DCDC1: variants seen among roughly 807,000 people sequenced by gnomAD.
DCDC1 encodes the protein doublecortin domain-containing protein 1.
DCDC1 carries 200 observed loss-of-function variants against 178.3 expected under a neutral mutation model. The ratio of observed to expected loss-of-function variants is 1.12; its 90% CI spans 1.00 to 1.26. The LOEUF is 1.26. Ranked by LOEUF, DCDC1 falls within the 50% of genes most tolerant of loss-of-function variation. The probability of loss-of-function intolerance (pLI) is 0.00; values close to 1 mark genes in which losing one functional copy is unlikely to be tolerated. For missense variants in DCDC1, 1,983 were observed against 1,749.2 expected (o/e 1.13, Z -2.38); for synonymous variants, 690 against 604.8 (o/e 1.14, Z -2.07).
At chr11:31,337,416 C>A (rs774420019) in intron 1 of DCDC1, among the ~76,000 whole-genome samples, 1 of 152,230 alleles carries the variant, frequency 6.6e-6, no homozygotes, top group Non-Finnish European at 1.5e-5. Context: ...CGCCTGTAAT[C>A]CCGACACTGT....
At chr11:30,902,494 T>G (rs1326971470) in intron 32 of DCDC1, among the ~76,000 whole-genome samples, 1 of 152,162 alleles carries the variant, frequency 6.6e-6, no homozygotes, top group Non-Finnish European at 1.5e-5. Flanking sequence ...AATGGAGACA[T>G]GTTAAATATA....
intron 11 of DCDC1, among the ~76,000 whole-genome samples, chr11:31,112,967 G>A (rs1284229877): frequency 1.3e-5 from 2 of 152,044 alleles, no homozygotes; most frequent in Admixed American, 1.3e-4. Flanking sequence ...GGGAGGGGCC[G>A]ACAATAAGCA....
chr11:31,064,874 A>C (rs2135487616), intron 19 of DCDC1, 145 bp downstream of exon 19: 1 of 567,620 alleles, frequency 1.8e-6, no homozygotes, highest in South Asian at 2.4e-5. Flanking sequence ...TATAGATATT[A>C]TATTATGTGT....
intron 2 of DCDC1, among the ~76,000 whole-genome samples, chr11:31,334,863 A>G (rs749860567): frequency 6.6e-6 from 1 of 152,168 alleles, no homozygotes; most frequent in Non-Finnish European, 1.5e-5. Context: ...GGGGTCAGGG[A>G]CCCACTGAGG....
At chr11:31,076,125 C>T (rs1198862445) in intron 18 of DCDC1, among the ~76,000 whole-genome samples, 3 of 152,174 alleles carry the variant, frequency 2.0e-5, no homozygotes, top group Non-Finnish European at 4.4e-5. Context: ...TCCCAAAGTG[C>T]TGGGAGTACA....
rs1970939300 is a variant in DCDC1 at position 31,198,447 on chromosome 11, C to T, written c.1221+43003G>A. On this transcript the variant is annotated intron_variant, in intron 9 of 38. Coordinates refer to ENST00000684477, the MANE Select transcript of DCDC1 (RefSeq NM_001387274.1). ...AATATTATGAATTCCAAAAGTACCC[C>T]TTTGCACACTTTCAATAATGAGAAA... Among the ~76,000 whole-genome samples the T allele has an allele frequency of 2.0e-5, 3 of 152,000 alleles. No individual in the cohort carries two copies. The South Asian group carries it at 6.3e-4, about 32-fold the overall frequency.
intron 7 of DCDC1, among the ~76,000 whole-genome samples, chr11:31,280,293 A>G (rs1946329216): frequency 6.6e-6 from 1 of 152,180 alleles, no homozygotes. Context: ...CAGTGAAGGA[A>G]TTTCCCCAGT....
Position 31,351,454 on chromosome 11 carries a change from T to C in DCDC1, c.-124-15890A>G, listed in dbSNP as rs1345773392. Among the ~76,000 whole-genome samples, 5 of 152,126 alleles carry C rather than the reference T, an allele frequency of 3.3e-5. No individual in the cohort carries two copies. The East Asian group carries it at 9.6e-4, about 29-fold the overall frequency. On this transcript the variant is annotated intron_variant, in intron 1 of 38. Transcript: ENST00000684477. Reference sequence around the variant, plus strand: ...TGCATATGTTATAGGTAAAAGATTATTGAACTCTTGCTTTAGCTCCCCTTT... The same window carrying C: ...TGCATATGTTATAGGTAAAAGATTACTGAACTCTTGCTTTAGCTCCCCTTT...
At chr11:30,929,298 G>T (rs1374637827) in intron 22 of DCDC1, among the ~76,000 whole-genome samples, 1 of 152,072 alleles carries the variant, frequency 6.6e-6, no homozygotes, top group Non-Finnish European at 1.5e-5. Context: ...CTATCTCATG[G>T]ATGGAACATA....
chr11:31,185,862 C>G (rs1478931489), intron 9 of DCDC1, among the ~76,000 whole-genome samples: 2 of 152,184 alleles, frequency 1.3e-5, no homozygotes, highest in African/African-American at 4.8e-5. Flanking sequence ...TACACTGAAC[C>G]TGAAGCTTCA....
At chr11:30,991,316 A>G (rs1430081443) in intron 20 of DCDC1, among the ~76,000 whole-genome samples, 3 of 152,164 alleles carry the variant, frequency 2.0e-5, no homozygotes, top group African/African-American at 7.2e-5. Flanking sequence ...GTACACCTTA[A>G]CCATATACCA....
intron 9 of DCDC1, among the ~76,000 whole-genome samples, chr11:31,212,301 T>A (rs537908119): frequency 3.0e-4 from 45 of 152,132 alleles, no homozygotes; most frequent in African/African-American, 1.1e-3. Context: ...TTTTTCCTGA[T>A]TAAAAAAAAC....
chr11:30,971,603 GTTTTTTTTT>G (rs71060475), intron 20 of DCDC1, among the ~76,000 whole-genome samples: 5 of 83,560 alleles, frequency 6.0e-5, no homozygotes, highest in Non-Finnish European at 8.6e-5. Flanking sequence ...ACAGGCCTTT[GTTTTTTTTT>G]TTTTTTTTTT....
At chr11:31,037,272 G>A (rs1954103781) in intron 20 of DCDC1, among the ~76,000 whole-genome samples, 1 of 152,096 alleles carries the variant, frequency 6.6e-6, no homozygotes, top group East Asian at 1.9e-4. Context: ...TTCTAAACTT[G>A]GTTTTTCCCA....
intron 20 of DCDC1, among the ~76,000 whole-genome samples, chr11:31,023,333 C>T (rs547947344): frequency 5.9e-5 from 9 of 152,056 alleles, no homozygotes; most frequent in African/African-American, 2.2e-4. Flanking sequence ...TGAGGTTTTT[C>T]AGGCATTTAA....
chr11:30,870,790 G>A (rs1941476100), intron 38 of DCDC1, among the ~76,000 whole-genome samples: 1 of 152,068 alleles, frequency 6.6e-6, no homozygotes, highest in Non-Finnish European at 1.5e-5. Context: ...ATAACATCAA[G>A]GTCACCCCAC....
At chr11:31,015,032 C>T (rs779418678) in intron 20 of DCDC1, among the ~76,000 whole-genome samples, 36 of 151,724 alleles carry the variant, frequency 2.4e-4, no homozygotes, top group Non-Finnish European at 3.7e-4. Flanking sequence ...CTGCCAGCTC[C>T]GCCTCCCAGT....
chr11:31,137,895 TTGA>T, intron 9 of DCDC1, 111 bp from the exon 10 acceptor site: 1 of 584,530 alleles, frequency 1.7e-6, no homozygotes, highest in East Asian at 3.0e-5. Context: ...GATATTAATT[TTGA>T]TGATACGTAC....
chr11:31,298,107 A>G (rs1391139758), intron 6 of DCDC1, among the ~76,000 whole-genome samples: 2 of 152,214 alleles, frequency 1.3e-5, no homozygotes, highest in African/African-American at 4.8e-5. Flanking sequence ...TCTCAACGGC[A>G]GTAACATCCG....
Sources: gnomAD v4.1 joint callset for allele counts (sites outside exome capture counted in the v4.1 genomes callset) on GRCh38, gnomAD v4.1.1 for gene constraint, MANE v1.5 for transcripts, NCBI Gene and HGNC (gene_info 2026-07-23, HGNC 2026-07-21) for gene names.